The following RGS12 variants were observed in gnomAD, a reference collection of about 807,000 sequenced individuals.
RGS12 encodes the protein regulator of G protein signaling 12, also known as regulator of G-protein signaling 12.
A neutral mutation model predicts 120.1 loss-of-function variants in RGS12; 66 were observed. That is an observed-to-expected ratio of 0.55 (90% CI 0.45 to 0.67). RGS12 has a LOEUF of 0.67. Ranked by LOEUF, RGS12 falls within the 30% of genes least tolerant of loss-of-function variation. RGS12 has a pLI of 0.00. For missense variants in RGS12, 1,859 were observed against 1,957.7 expected, an observed-to-expected ratio of 0.95 and a Z score of 0.95; for synonymous variants, 827 against 804.7, an observed-to-expected ratio of 1.03 and a Z score of -0.47.
chr4:3,353,011 G>C (rs1288274409), intron 3 of RGS12, among the ~76,000 whole-genome samples: 2 of 152,220 alleles, frequency 1.3e-5, no homozygotes, highest in African/African-American at 2.4e-5. Context: ...CGATGGGGCA[G>C]GCCACTGAGT....
chr4:3,346,028 A>G (rs1188367397), intron 3 of RGS12, among the ~76,000 whole-genome samples: 1 of 152,156 alleles, frequency 6.6e-6, no homozygotes, highest in Non-Finnish European at 1.5e-5. Flanking sequence ...TACAGGCATG[A>G]GCCACCATGC....
At position 3,386,404 on chromosome 4, in the gene RGS12, C is replaced by G. The variant is rs529727013; in HGVS notation, c.1999-12C>G. 1 of 1,611,978 alleles carries G rather than the reference C, an allele frequency of 6.2e-7. No homozygotes were observed. The highest frequency in any genetic ancestry group is 8.5e-7 in the Non-Finnish European group (1 of 1,178,054). On this transcript the variant is annotated splice_polypyrimidine_tract_variant and intron_variant, in intron 3 of 17. Coordinates refer to ENST00000336727, the MANE Select transcript of RGS12 (RefSeq NM_001394154.1). ...GCTTAATTAACTCATGTCTCTCTCTCTTTTCTTTCAGTCTGCAACTGTGTC... is the reference window on the plus strand; with the variant it reads ...GCTTAATTAACTCATGTCTCTCTCTGTTTTCTTTCAGTCTGCAACTGTGTC...
chr4:3,382,972 G>C (rs1403755161), intron 3 of RGS12, among the ~76,000 whole-genome samples: 1 of 152,012 alleles, frequency 6.6e-6, no homozygotes, highest in Non-Finnish European at 1.5e-5. Context: ...CACTCATGCT[G>C]GGCTTCTCCT....
chr4:3,426,979 G>A (rs753579002), intron 14 of RGS12, among the ~76,000 whole-genome samples: 4 of 152,162 alleles, frequency 2.6e-5, no homozygotes, highest in Non-Finnish European at 4.4e-5. Flanking sequence ...CAGGGAGCAC[G>A]TGGCTCACTT....
intron 17 of RGS12, among the ~76,000 whole-genome samples, chr4:3,436,277 G>C (rs974593568): frequency 6.6e-6 from 1 of 152,124 alleles, no homozygotes; most frequent in African/African-American, 2.4e-5. Context: ...AGCCACAGTG[G>C]ATTGTAGGGT....
In RGS12 at chr4:3,372,259, G is replaced by A. The variant is rs1717090687; in HGVS notation, c.1999-14157G>A. Among the ~76,000 whole-genome samples, 3 of 152,004 alleles carry A rather than the reference G, an allele frequency of 2.0e-5. No homozygotes were observed. The highest frequency in any genetic ancestry group is 7.2e-5 in the African/African-American group (3 of 41,384). ...TGGGGTGGCCGCTCTGGGCTGGGGG[G>A]CTGCTGCAGCCCTGGGCAGCCCAGC... On this transcript the variant is annotated intron_variant, in intron 3 of 17. Coordinates refer to ENST00000336727, the MANE Select transcript of RGS12 (RefSeq NM_001394154.1). The surrounding 1 kb of genome is among the most constrained non-coding windows in gnomAD (Gnocchi z 4.3).
rs1719337069 is a variant in RGS12 at position 3,390,198 on chromosome 4, C to T, written c.2020+3761C>T. 2.0e-5 allele frequency among the ~76,000 whole-genome samples: 3 copies of T among 152,216 alleles called. No individual in the cohort carries two copies. The highest frequency in any genetic ancestry group is 1.3e-4 in the Admixed American group (2 of 15,284). On this transcript the variant is annotated intron_variant, in intron 4 of 17. Coordinates refer to ENST00000336727, the MANE Select transcript of RGS12 (RefSeq NM_001394154.1). This position sits in a 1 kb window ranked among gnomAD's most constrained non-coding sequence, Gnocchi z 4.6. ...CTCAGGCACATGCGGTTTCCCTCTT[C>T]CCTTCCTGACCACCTGCCCCCATCC...
chr4:3,347,710 G>C (rs1713952853), intron 3 of RGS12, among the ~76,000 whole-genome samples: 1 of 152,130 alleles, frequency 6.6e-6, no homozygotes, highest in African/African-American at 2.4e-5. Flanking sequence ...TCTTTTCCAT[G>C]AATCTGATTG....
chr4:3,405,155 G>A (rs879859468), intron 4 of RGS12, among the ~76,000 whole-genome samples: 2 of 152,224 alleles, frequency 1.3e-5, no homozygotes, highest in African/African-American at 4.8e-5. Context: ...ATCATCAGAG[G>A]GTGCTAAAGT....
Position 3,434,367 on chromosome 4 carries a change from G to T in RGS12, c.4114+3412G>T, listed in dbSNP as rs191698803. The stretch of plus-strand genomic sequence containing the variant: ...TATCACAATTCACGGTGAGGTTTGG[G>T]TGGGGACACGGAGCCAAACCATATC... On this transcript the variant is annotated intron_variant, in intron 17 of 17. Coordinates refer to ENST00000336727, the MANE Select transcript of RGS12 (RefSeq NM_001394154.1). Among the ~76,000 whole-genome samples the T allele has an allele frequency of 9.9e-5, 15 of 152,280 alleles. No homozygotes were observed. In the East Asian group the frequency reaches 2.9e-3, roughly 29 times the overall value.
rs752942940 is a variant in RGS12, at chr4:3,420,682, G to T, written c.2802G>T (p.Ser934=). The T allele has an allele frequency of 2.5e-6, 4 of 1,613,204 alleles. No homozygotes were observed. Among genetic ancestry groups the T allele is most frequent in the Non-Finnish European group, 1.7e-6 (2 of 1,180,036 alleles). ...ATGGAGGCCTGTGTCGCCGAGAGTC[G>T]CAGGGCTCTGTGTCCTCTGCGGGGA... is the stretch of plus-strand genomic sequence containing the variant. ...HANGGLCRRE[S]QGSVSSAGSL... The change falls in exon 10 of 18, where the codon TCG becomes TCT. Residue 934 remains serine, a synonymous_variant. Transcript: ENST00000336727.
intron 4 of RGS12, among the ~76,000 whole-genome samples, chr4:3,397,094 A>T (rs1355501483): frequency 1.3e-5 from 2 of 152,208 alleles, no homozygotes; most frequent in African/African-American, 4.8e-5. Flanking sequence ...TAACACCAGC[A>T]TTAATGGAGA....
At chr4:3,402,280 G>C (rs1020381855) in intron 4 of RGS12, among the ~76,000 whole-genome samples, 2 of 152,178 alleles carry the variant, frequency 1.3e-5, no homozygotes, top group African/African-American at 4.8e-5. Context: ...CCATGGCTGA[G>C]AGCATCCACC....
intron 2 of RGS12, among the ~76,000 whole-genome samples, chr4:3,334,662 C>G (rs1385046902): frequency 6.6e-6 from 1 of 151,958 alleles, no homozygotes; most frequent in Non-Finnish European, 1.5e-5. Flanking sequence ...ATTTCAATAA[C>G]TTTTTATTTA....
intron 12 of RGS12, among the ~76,000 whole-genome samples, chr4:3,423,307 G>C (rs547239340): frequency 6.6e-6 from 1 of 152,338 alleles, no homozygotes; most frequent in South Asian, 2.1e-4. Context: ...GCAGGACACT[G>C]CTATCCCTGG....
chr4:3,331,664 A>G (rs1392675732), intron 2 of RGS12, among the ~76,000 whole-genome samples: 2 of 151,764 alleles, frequency 1.3e-5, no homozygotes, highest in African/African-American at 4.8e-5. Context: ...CTCAGGCCCC[A>G]TGATGTAAGT....
chr4:3,420,851 C>A, intron 10 of RGS12, 133 bp downstream of exon 10: 1 of 817,172 alleles, frequency 1.2e-6, no homozygotes, highest in South Asian at 1.7e-5. Context: ...GGACAAGGCT[C>A]GGGTGCCGGC....
chr4:3,357,194 A>G (rs968268967), intron 3 of RGS12, among the ~76,000 whole-genome samples: 1 of 152,034 alleles, frequency 6.6e-6, no homozygotes, highest in East Asian at 1.9e-4. Context: ...AGAAATGTCT[A>G]CTCAAGTCCT....
At chr4:3,417,701 T>C (rs774069465) in intron 9 of RGS12, 160 bp downstream of exon 9, 13 of 722,354 alleles carry the variant, frequency 1.8e-5, no homozygotes, top group Non-Finnish European at 2.9e-5. Flanking sequence ...GGAATGCCGC[T>C]GTGTCTGGGG....
Sources: allele counts gnomAD v4.1 joint callset (sites outside exome capture counted in the v4.1 genomes callset), GRCh38; gene constraint gnomAD v4.1.1; non-coding constraint Gnocchi (gnomAD v3.1); transcripts MANE v1.5; gene names NCBI Gene and HGNC (gene_info 2026-07-23, HGNC 2026-07-21).